The following DOCK1 variants were observed in gnomAD, a reference collection of about 807,000 sequenced individuals.
The protein encoded by DOCK1 is dedicator of cytokinesis protein 1.
A neutral mutation model predicts 262.7 loss-of-function variants in DOCK1; 138 were observed. The ratio of observed to expected loss-of-function variants is 0.53; its 90% CI spans 0.46 to 0.61. The LOEUF is 0.61. Among genes scored for constraint, DOCK1 ranks in the 20% least tolerant of loss-of-function variants. The pLI, the probability that DOCK1 is intolerant of heterozygous loss-of-function variation, is 0.00. For missense variants in DOCK1, 1,908 were observed against 2,370.7 expected (o/e 0.80, Z 4.05); for synonymous variants, 866 against 867.4 (o/e 1.00, Z 0.03).
chr10:126,923,087 C>A (rs1327505897), intron 1 of DOCK1, among the ~76,000 whole-genome samples: 1 of 151,628 alleles, frequency 6.6e-6, no homozygotes. Context: ...CCAGTCTGGG[C>A]AACAAGAACG....
intron 23 of DOCK1, among the ~76,000 whole-genome samples, chr10:127,090,451 TG>T (rs1346440228): frequency 6.8e-6 from 1 of 147,188 alleles, no homozygotes; most frequent in Non-Finnish European, 1.5e-5. Context: ...CATTTTCCAG[TG>T]GAGAATGGGA....
chr10:127,293,722 G>A (rs1486825331), intron 29 of DOCK1, among the ~76,000 whole-genome samples: 1 of 152,206 alleles, frequency 6.6e-6, no homozygotes, highest in Non-Finnish European at 1.5e-5. Context: ...AGCAGATTCT[G>A]CGGCTAGATC....
chr10:127,383,218 C>T (rs574425134), intron 37 of DOCK1, among the ~76,000 whole-genome samples: 35 of 152,090 alleles, frequency 2.3e-4, no homozygotes, highest in Non-Finnish European at 4.6e-4. Flanking sequence ...TTTAGTTTTT[C>T]GCCTAGCAAT....
At chr10:127,205,028 A>C (rs893418155) in intron 27 of DOCK1, among the ~76,000 whole-genome samples, 14 of 152,074 alleles carry the variant, frequency 9.2e-5, no homozygotes, top group African/African-American at 3.4e-4. Flanking sequence ...GTTCTAATAG[A>C]AAATAACATT....
At chr10:127,314,496 C>T (rs57376374) in intron 29 of DOCK1, among the ~76,000 whole-genome samples, 2,855 of 152,308 alleles carry the variant, frequency 0.019, 89 homozygotes, top group African/African-American at 0.064. Flanking sequence ...GCTTCATTCA[C>T]TGTGAGTTAT....
chr10:127,086,480 G>T (rs975707122), intron 23 of DOCK1, among the ~76,000 whole-genome samples: 1 of 152,048 alleles, frequency 6.6e-6, no homozygotes, highest in African/African-American at 2.4e-5. Flanking sequence ...ACATGAACTT[G>T]GCATTTTCTT....
intron 18 of DOCK1, among the ~76,000 whole-genome samples, chr10:127,036,025 A>AATAC (rs1232938443): frequency 1.3e-5 from 2 of 150,042 alleles, no homozygotes; most frequent in African/African-American, 4.9e-5. Flanking sequence ...TAAATAAATA[A>AATAC]ATAAATAAAT....
At chr10:127,388,309 G>A (rs551141727) in intron 38 of DOCK1, among the ~76,000 whole-genome samples, 37 of 152,128 alleles carry the variant, frequency 2.4e-4, no homozygotes, top group African/African-American at 7.5e-4. Flanking sequence ...TGATAAAACC[G>A]ATGGAAAAGC....
At chr10:127,068,701 G>T (rs1591885974) in intron 23 of DOCK1, among the ~76,000 whole-genome samples, 1 of 152,046 alleles carries the variant, frequency 6.6e-6, no homozygotes, top group East Asian at 1.9e-4. Context: ...TGCTTATTTA[G>T]CATTATCCTA....
intron 44 of DOCK1, among the ~76,000 whole-genome samples, chr10:127,416,529 G>T (rs569564513): frequency 7.2e-5 from 11 of 152,102 alleles, no homozygotes; most frequent in African/African-American, 2.4e-4. Flanking sequence ...GCTTCTCCTC[G>T]GGCTGCTTTG....
At chr10:127,120,916 A>G (rs920788934) in intron 25 of DOCK1, among the ~76,000 whole-genome samples, 1 of 152,170 alleles carries the variant, frequency 6.6e-6, no homozygotes, top group Non-Finnish European at 1.5e-5. Context: ...TTGTAGGCTC[A>G]TATTTGCTAA....
chr10:127,373,287 T>C (rs2065306766), intron 33 of DOCK1, among the ~76,000 whole-genome samples: 1 of 152,140 alleles, frequency 6.6e-6, no homozygotes, highest in Admixed American at 6.5e-5. Flanking sequence ...AGAACATTTT[T>C]TCAGCCAGAG....
chr10:127,177,429 T>C (rs1284945530), intron 27 of DOCK1, among the ~76,000 whole-genome samples: 1 of 152,258 alleles, frequency 6.6e-6, no homozygotes, highest in Non-Finnish European at 1.5e-5. Flanking sequence ...GAAGAACTTA[T>C]TTGATGGCTG....
intron 32 of DOCK1, among the ~76,000 whole-genome samples, chr10:127,357,219 TC>T (rs567785984): frequency 1.3e-5 from 2 of 152,210 alleles, no homozygotes; most frequent in South Asian, 4.1e-4. Flanking sequence ...TGATGGGTGC[TC>T]CTGCCTTTCT....
intron 7 of DOCK1, 98 bp from the exon 8 acceptor site, chr10:126,997,994 A>G (rs969415741): frequency 1.3e-6 from 2 of 1,481,628 alleles, no homozygotes; most frequent in Non-Finnish European, 9.1e-7. Context: ...GGTTATGCCA[A>G]TGAGTTATTA....
chr10:127,008,866 A>G, intron 11 of DOCK1, 62 bp downstream of exon 11: 1 of 1,340,232 alleles, frequency 7.5e-7, no homozygotes, highest in Non-Finnish European at 1.0e-6. Flanking sequence ...GGCTTGTAAT[A>G]ATTATCTTTA....
intron 29 of DOCK1, among the ~76,000 whole-genome samples, chr10:127,278,887 A>G (rs936101554): frequency 2.0e-5 from 3 of 152,190 alleles, no homozygotes; most frequent in Admixed American, 6.5e-5. Context: ...AGGGGCAAAA[A>G]TTAATACCTG....
chr10:127,076,150 A>G (rs1349316493), intron 23 of DOCK1, among the ~76,000 whole-genome samples: 1 of 152,170 alleles, frequency 6.6e-6, no homozygotes, highest in Admixed American at 6.5e-5. Context: ...ATAAATTGAG[A>G]ACTTCCTGAC....
chr10:127,150,768 A>G (rs966555525), intron 27 of DOCK1, among the ~76,000 whole-genome samples: 3 of 152,138 alleles, frequency 2.0e-5, no homozygotes, highest in East Asian at 1.9e-4. Context: ...AAAATATTCA[A>G]TGAAAAAGGT....
Sources: allele counts gnomAD v4.1 joint callset (sites outside exome capture counted in the v4.1 genomes callset), GRCh38; gene constraint gnomAD v4.1.1; transcripts MANE v1.5; gene names NCBI Gene and HGNC (gene_info 2026-07-23, HGNC 2026-07-21).